Variants in TMEM170A observed in about 807,000 individuals in gnomAD.
TMEM170A encodes the protein transmembrane protein 170.
TMEM170A carries 18 observed loss-of-function variants against 12.8 expected under a neutral mutation model. The ratio of observed to expected loss-of-function variants is 1.41; its 90% CI spans 0.97 to 2.09. The LOEUF (loss-of-function observed/expected upper bound fraction) is 2.09. Among genes scored for constraint, TMEM170A ranks in the 30% most tolerant of loss-of-function variants. The pLI is 0.00. For missense variants in TMEM170A, 220 were observed against 179.9 expected (o/e 1.22, Z -1.28); for synonymous variants, 107 against 76.2 (o/e 1.40, Z -2.11).
Position 75,451,716 on chromosome 16 carries a change from A to C in TMEM170A, c.257T>G (p.Ile86Ser). Residue 86 changes from isoleucine to serine, a missense_variant, in exon 2 of 3, where the codon ATC (isoleucine) becomes AGC (serine). Ile to Ser is a moderately radical substitution (Grantham distance 142). Coordinates refer to ENST00000561878, the MANE Select transcript of TMEM170A (RefSeq NM_145254.3). ...TGGTCCCACGATGCCCATCAACAGGATGCTTACAGACATGAACCTACCATA... is the reference window on the plus strand; with the variant it reads ...TGGTCCCACGATGCCCATCAACAGGCTGCTTACAGACATGAACCTACCATA... ...HKYGRFMSVSILLMGIVGPIT... is the reference protein window; with the variant it reads ...HKYGRFMSVSSLLMGIVGPIT... The C allele has an allele frequency of 6.2e-7, 1 of 1,614,178 alleles. No homozygotes were observed. Among genetic ancestry groups the C allele is most frequent in the Non-Finnish European group, 8.5e-7 (1 of 1,180,026 alleles).
chr16:75,464,056 G>C (rs982384209), intron 1 of TMEM170A, among the ~76,000 whole-genome samples: 1 of 152,224 alleles, frequency 6.6e-6, no homozygotes, highest in Non-Finnish European at 1.5e-5. Context: ...TCCTCAGCGC[G>C]GCCGGGCCGC....
At position 75,464,660 on chromosome 16, in the gene TMEM170A, G is replaced by C. The variant is rs147385089; in HGVS notation, c.-60C>G. 6.5e-7 allele frequency: 1 copy of C among 1,533,678 alleles called. No individual in the cohort carries two copies. Among genetic ancestry groups the C allele is most frequent in the African/African-American group, 1.4e-5 (1 of 69,868 alleles). The stretch of plus-strand genomic sequence containing the variant: ...AGCGCCCGAAGTGCGGTAGCGGCCG[G>C]CGCCGACTCACCCTCGCCGCCTCAG... On this transcript the variant is annotated 5_prime_UTR_variant, in exon 1 of 3. Coordinates refer to ENST00000561878, the MANE Select transcript of TMEM170A (RefSeq NM_145254.3).
chr16:75,446,440 C>A lies in TMEM170A; in HGVS notation c.*1118G>T, dbSNP rs2079588157. 1 of 152,060 alleles carries A rather than the reference C, an allele frequency of 6.6e-6. No individual in the cohort carries two copies. The highest frequency in any genetic ancestry group is 6.6e-5 in the Admixed American group (1 of 15,252). The allele number at this position is 152,060 out of a possible 1,614,324, so 9.4% of individuals were successfully genotyped here. A position where few individuals can be genotyped will look rare whatever the true frequency, so the allele number is the denominator to read the frequency against. On this transcript the variant is annotated 3_prime_UTR_variant, in exon 3 of 3. Coordinates refer to ENST00000561878, the MANE Select transcript of TMEM170A (RefSeq NM_145254.3). Reference sequence around the variant, plus strand: ...TTAAAAAAACTCTTGATATTTAAATCTCTTTAAAGATATAAATTCTTTTGA... The same window carrying A: ...TTAAAAAAACTCTTGATATTTAAATATCTTTAAAGATATAAATTCTTTTGA...
At chr16:75,455,306 G>A (rs543225318) in intron 1 of TMEM170A, among the ~76,000 whole-genome samples, 13 of 141,656 alleles carry the variant, frequency 9.2e-5, no homozygotes, top group East Asian at 2.1e-4. Context: ...GCAGTGAGCC[G>A]AGATCACGCC....
chr16:75,462,916 T>C (rs1353467796), intron 1 of TMEM170A, among the ~76,000 whole-genome samples: 13 of 152,230 alleles, frequency 8.5e-5, no homozygotes, highest in Admixed American at 8.5e-4. Flanking sequence ...TTTTAGAAGA[T>C]ACATGTTAAG....
intron 1 of TMEM170A, among the ~76,000 whole-genome samples, chr16:75,459,150 T>TC (rs1358893090): frequency 6.6e-6 from 1 of 152,170 alleles, no homozygotes; most frequent in Non-Finnish European, 1.5e-5. Flanking sequence ...CGCCTTGGCC[T>TC]CCCAAAGTGC....
At chr16:75,452,805 T>C (rs2079713487) in intron 1 of TMEM170A, 3 of 152,228 alleles carry the variant, frequency 2.0e-5, no homozygotes, top group Non-Finnish European at 2.9e-5. Flanking sequence ...ACGGTTTTAG[T>C]GTGTTCAACA....
chr16:75,457,342 A>G (rs1363964867), intron 1 of TMEM170A, among the ~76,000 whole-genome samples: 1 of 152,224 alleles, frequency 6.6e-6, no homozygotes, highest in Non-Finnish European at 1.5e-5. Context: ...ATGCCATCCA[A>G]GTGCTAAGGG....
chr16:75,464,289 C>T, intron 1 of TMEM170A, 179 bp downstream of exon 1: 1 of 1,488,062 alleles, frequency 6.7e-7, no homozygotes, highest in South Asian at 1.3e-5. Flanking sequence ...GCCTCAGGGA[C>T]CGCCGAAGAA....
rs1752493709 is a variant in TMEM170A, at chr16:75,464,644, A to C, written c.-44T>G. ...AGAGAAATGAGGGACGAGCGCCCGA[A>C]GTGCGGTAGCGGCCGGCGCCGACTC... On this transcript the variant is annotated 5_prime_UTR_variant, in exon 1 of 3. Transcript: ENST00000561878. 1 of 1,549,292 alleles carries C rather than the reference A, an allele frequency of 6.5e-7. No homozygotes were observed. Among genetic ancestry groups the C allele is most frequent in the Non-Finnish European group, 8.7e-7 (1 of 1,153,938 alleles).
intron 1 of TMEM170A, chr16:75,458,925 ACT>A (rs1339380889): frequency 6.6e-6 from 1 of 151,724 alleles, no homozygotes; most frequent in Non-Finnish European, 1.5e-5. Flanking sequence ...AGACAGTCTC[ACT>A]CTGTTGCCCA....
chr16:75,461,850 C>G (rs1420680541), intron 1 of TMEM170A, among the ~76,000 whole-genome samples: 1 of 152,188 alleles, frequency 6.6e-6, no homozygotes, highest in African/African-American at 2.4e-5. Flanking sequence ...CAAGAACATA[C>G]TGAAGTTTAA....
intron 2 of TMEM170A, among the ~76,000 whole-genome samples, chr16:75,451,102 A>G (rs1200281486): frequency 6.6e-6 from 1 of 152,200 alleles, no homozygotes; most frequent in Non-Finnish European, 1.5e-5. Flanking sequence ...CCAAAAAGAT[A>G]AATTTTCCTC....
intron 2 of TMEM170A, chr16:75,451,415 G>A (rs1343055279): frequency 5.3e-6 from 3 of 568,048 alleles, no homozygotes; most frequent in Non-Finnish European, 9.3e-6. Flanking sequence ...GGGGCATGGT[G>A]GCACACCCCT....
intron 1 of TMEM170A, among the ~76,000 whole-genome samples, chr16:75,460,296 A>G (rs2079879746): frequency 6.6e-6 from 1 of 152,208 alleles, no homozygotes; most frequent in South Asian, 2.1e-4. Context: ...CTCTGTAAAT[A>G]TACTAAAAAC....
rs1447300938 is a variant in TMEM170A, at chr16:75,447,609, C to T, written c.384G>A (p.Gln128=). The change falls in exon 3 of 3, where the codon CAG becomes CAA. Residue 128 remains glutamine, a synonymous_variant. Transcript: ENST00000561878. ...AGGAGACCACCAAGACGCAAAATGT[C>T]TGTCCAGTGCCCAGTGTGAGGGCTT... ...PFEALTLGTG[Q]TFCVLVVSFL... 2 of 1,613,408 alleles carry T rather than the reference C, an allele frequency of 1.2e-6. No homozygotes were observed. The highest frequency in any genetic ancestry group is 1.7e-6 in the Non-Finnish European group (2 of 1,179,736).
rs139835530 is a variant in TMEM170A at position 75,454,434 on chromosome 16, T to G, written c.134-2595A>C. Among the ~76,000 whole-genome samples the G allele has an allele frequency of 3.8e-3, 564 of 149,414 alleles. 4 individuals carry two copies. Among genetic ancestry groups the G allele is most frequent in the African/African-American group, 0.012 (501 of 40,480 alleles). On this transcript the variant is annotated intron_variant, in intron 1 of 2. Transcript: ENST00000561878. ...GAGTTCAAGACCAGCCTGGCCAACA[T>G]AGTGAAACCCTGTCTCTCTAAAAAT...
chr16:75,464,721 C>A, upstream of TMEM170A: 1 of 1,357,694 alleles, frequency 7.4e-7, no homozygotes, highest in Non-Finnish European at 9.7e-7. Context: ...CCCCCAATCC[C>A]AACGGCGCTG....
Position 75,443,838 on chromosome 16 carries a change from C to T in TMEM170A, c.*3720G>A, listed in dbSNP as rs2079539092. The T allele has an allele frequency of 6.6e-6, 1 of 152,192 alleles. No homozygotes were observed. The highest frequency in any genetic ancestry group is 2.4e-5 in the African/African-American group (1 of 41,442). The allele number at this position is 152,192 out of a possible 1,614,324, so 9.4% of individuals were successfully genotyped here. ...GCATGATGGCTCATGTCTATAGTCCCATCACGTTGGGAGGCCGAGGCGGGT... is the reference window on the plus strand; with the variant it reads ...GCATGATGGCTCATGTCTATAGTCCTATCACGTTGGGAGGCCGAGGCGGGT... On this transcript the variant is annotated 3_prime_UTR_variant, in exon 3 of 3. Coordinates refer to ENST00000561878, the MANE Select transcript of TMEM170A (RefSeq NM_145254.3).
Sources: gnomAD v4.1 joint callset for allele counts (sites outside exome capture counted in the v4.1 genomes callset) on GRCh38, gnomAD v4.1.1 for gene constraint, MANE v1.5 for transcripts, NCBI Gene and HGNC (gene_info 2026-07-23, HGNC 2026-07-21) for gene names.